Variants in PUM1 observed in about 807,000 individuals in gnomAD.
PUM1 encodes the protein pumilio RNA binding family member 1, also known as pumilio homolog 1.
PUM1 carries 13 observed loss-of-function variants against 131.8 expected under a neutral mutation model. That is an observed-to-expected ratio of 0.10 (90% confidence interval 0.06 to 0.16). The LOEUF is 0.16. Among genes scored for constraint, PUM1 ranks in the 10% least tolerant of loss-of-function variants. The pLI is 1.00. For missense variants in PUM1, 961 were observed against 1,512.4 expected (o/e 0.64, Z 6.05); for synonymous variants, 509 against 556.5 (o/e 0.91, Z 1.20).
chr1:30,976,749 T>G (rs1641150535), intron 9 of PUM1, among the ~76,000 whole-genome samples: 1 of 152,038 alleles, frequency 6.6e-6, no homozygotes, highest in Admixed American at 6.5e-5. Flanking sequence ...CACTATGAAC[T>G]ATTTTACTAT....
intron 3 of PUM1, among the ~76,000 whole-genome samples, chr1:31,014,546 G>A (rs1642741601): frequency 1.3e-5 from 2 of 151,830 alleles, no homozygotes. Flanking sequence ...TCAGCACTTT[G>A]GGAGGCTGAG....
intron 2 of PUM1, among the ~76,000 whole-genome samples, chr1:31,042,828 G>A (rs1015711700): frequency 3.9e-5 from 6 of 152,206 alleles, no homozygotes; most frequent in South Asian, 2.1e-4. Flanking sequence ...GCAGTAGCAC[G>A]ACGTCGGCTC....
chr1:30,957,517 T>A (rs1640220148), intron 14 of PUM1, among the ~76,000 whole-genome samples: 1 of 152,244 alleles, frequency 6.6e-6, no homozygotes, highest in African/African-American at 2.4e-5. Context: ...AAGAAACATT[T>A]CTCATAAGGC....
chr1:30,959,802 G>A (rs1640329908), intron 14 of PUM1, among the ~76,000 whole-genome samples: 2 of 151,648 alleles, frequency 1.3e-5, no homozygotes, highest in Admixed American at 6.6e-5. Flanking sequence ...AGCTACTTGG[G>A]AAGCTGAGGC....
chr1:31,029,072 CCTTAT>C (rs1643322988), intron 2 of PUM1, among the ~76,000 whole-genome samples: 1 of 152,122 alleles, frequency 6.6e-6, no homozygotes, highest in Non-Finnish European at 1.5e-5. Context: ...CCTCCCATTC[CCTTAT>C]ATTTTCAAAA....
At chr1:31,046,511 G>GTT (rs35053733) in intron 2 of PUM1, among the ~76,000 whole-genome samples, 5 of 122,058 alleles carry the variant, frequency 4.1e-5, no homozygotes, top group Non-Finnish European at 6.7e-5. Flanking sequence ...TGTTTTTTTG[G>GTT]TTTTTTTTTT....
At chr1:30,992,095 G>A (rs551659971) in intron 7 of PUM1, among the ~76,000 whole-genome samples, 7 of 152,280 alleles carry the variant, frequency 4.6e-5, no homozygotes, top group East Asian at 3.9e-4. Context: ...TTTAGCACCC[G>A]AGAGGGTTGT....
intron 3 of PUM1, among the ~76,000 whole-genome samples, chr1:31,028,427 G>A (rs1249019298): frequency 7.3e-6 from 1 of 137,130 alleles, no homozygotes; most frequent in African/African-American, 2.8e-5. Context: ...GGCGGGGGGG[G>A]TGGGTTGGGG....
At chr1:31,013,399 A>C (rs1642692067) in intron 3 of PUM1, among the ~76,000 whole-genome samples, 1 of 152,218 alleles carries the variant, frequency 6.6e-6, no homozygotes, top group Non-Finnish European at 1.5e-5. Flanking sequence ...TTACACACTC[A>C]ATACAGGCTG....
In PUM1 at chr1:31,025,753, A is replaced by C. The variant is rs1643199269; in HGVS notation, c.432+3043T>G. On this transcript the variant is annotated intron_variant, in intron 3 of 21. Transcript: ENST00000426105. ...GTATTTTTAGTAGAGATGGGATTTC[A>C]CTATGTTGACCAGGCTGGTCTCAAA... Among the ~76,000 whole-genome samples the C allele has an allele frequency of 2.6e-5, 4 of 151,320 alleles. No individual in the cohort carries two copies. The South Asian group carries it at 8.3e-4, about 31-fold the overall frequency.
chr1:30,934,526 T>A (rs1330463746), intron 21 of PUM1, among the ~76,000 whole-genome samples: 1 of 152,136 alleles, frequency 6.6e-6, no homozygotes, highest in African/African-American at 2.4e-5. Context: ...GGTGTCACAT[T>A]CCCACTTTGG....
intron 2 of PUM1, 147 bp from the exon 3 acceptor site, chr1:31,029,011 C>T: frequency 1.5e-6 from 1 of 668,384 alleles, no homozygotes; most frequent in Non-Finnish European, 2.7e-6. Context: ...AGAGATTAAA[C>T]ATTCACTTAC....
At chr1:31,043,235 T>C (rs1643879404) in intron 2 of PUM1, among the ~76,000 whole-genome samples, 1 of 151,968 alleles carries the variant, frequency 6.6e-6, no homozygotes, top group Admixed American at 6.6e-5. Context: ...ACAGTTTCAC[T>C]CTTGTTGCTC....
intron 14 of PUM1, 88 bp from the exon 15 acceptor site, chr1:30,954,069 G>A: frequency 1.5e-6 from 2 of 1,355,134 alleles, no homozygotes; most frequent in East Asian, 4.6e-5. Flanking sequence ...CCGAAAGCCT[G>A]CACCATTTCT....
intron 17 of PUM1, among the ~76,000 whole-genome samples, chr1:30,946,820 G>A (rs536789554): frequency 1.3e-5 from 2 of 152,042 alleles, no homozygotes; most frequent in African/African-American, 4.8e-5. Context: ...GAGGTGGGAG[G>A]ATCACCTGAG....
intron 3 of PUM1, among the ~76,000 whole-genome samples, chr1:31,022,917 C>A (rs1643084882): frequency 6.6e-6 from 1 of 152,068 alleles, no homozygotes. Context: ...GCCTGCAATC[C>A]CAGCGCTTTG....
chr1:30,946,113 G>A (rs975662065), intron 17 of PUM1, among the ~76,000 whole-genome samples: 2 of 151,464 alleles, frequency 1.3e-5, no homozygotes, highest in East Asian at 3.9e-4. Flanking sequence ...AAAAATAAAG[G>A]GTAGACATCT....
At chr1:30,943,540 C>T (rs1238484892) in intron 18 of PUM1, among the ~76,000 whole-genome samples, 1 of 152,170 alleles carries the variant, frequency 6.6e-6, no homozygotes, top group East Asian at 1.9e-4. Flanking sequence ...GTGTGAACCA[C>T]CGTGCCCGGC....
chr1:31,048,459 T>C (rs1644023391), intron 2 of PUM1, among the ~76,000 whole-genome samples: 1 of 151,228 alleles, frequency 6.6e-6, no homozygotes, highest in South Asian at 2.1e-4. Context: ...TTTTTCTTTT[T>C]TCTTTTTATT....
Sources: gnomAD v4.1 joint callset for allele counts (sites outside exome capture counted in the v4.1 genomes callset) on GRCh38, gnomAD v4.1.1 for gene constraint, MANE v1.5 for transcripts, NCBI Gene and HGNC (gene_info 2026-07-23, HGNC 2026-07-21) for gene names.